The following AP2A1 variants were observed in gnomAD, a reference collection of about 807,000 sequenced individuals.
The protein encoded by AP2A1 is AP-2 complex subunit alpha-1.
Under a neutral mutation model 107.3 loss-of-function variants are expected in AP2A1, and 21 were observed. The ratio of observed to expected loss-of-function variants is 0.20; its 90% CI spans 0.14 to 0.28. The LOEUF (loss-of-function observed/expected upper bound fraction) is 0.28. AP2A1 is among the 10% of genes least tolerant of loss of function. The probability of loss-of-function intolerance (pLI) is 1.00; values close to 1 mark genes in which losing one functional copy is unlikely to be tolerated. For missense variants in AP2A1, 873 were observed against 1,307.7 expected, an observed-to-expected ratio of 0.67 and a Z score of 5.13; for synonymous variants, 602 against 564.8, an observed-to-expected ratio of 1.07 and a Z score of -0.93.
At chr19:49,790,605 G>T (rs1358785254) in intron 4 of AP2A1, among the ~76,000 whole-genome samples, 2 of 152,048 alleles carry the variant, frequency 1.3e-5, no homozygotes, top group African/African-American at 4.8e-5. Context: ...TCACCATGTT[G>T]CCCAGGCTGG....
intron 1 of AP2A1, among the ~76,000 whole-genome samples, chr19:49,769,543 A>G (rs1033359256): frequency 6.6e-6 from 1 of 151,710 alleles, no homozygotes; most frequent in Non-Finnish European, 1.5e-5. Context: ...CATGCTTGAC[A>G]TGTGTTCGAG....
Position 49,791,696 on chromosome 19 carries a change from C to T in AP2A1, c.474-239C>T, listed in dbSNP as rs1009317851. On this transcript the variant is annotated intron_variant, in intron 4 of 22. Transcript: ENST00000354293. ...TGGTGAATGAATGAAGGTGCAGAGC[C>T]AGGCTTGACATGTTCCTGAGCCCTG... Among the ~76,000 whole-genome samples, 4 of 152,150 alleles carry T rather than the reference C, an allele frequency of 2.6e-5. No individual in the cohort carries two copies. In the East Asian group the frequency reaches 7.7e-4, roughly 29 times the overall value.
intron 4 of AP2A1, 162 bp from the exon 5 acceptor site, chr19:49,791,773 G>A: frequency 1.3e-6 from 1 of 769,440 alleles, no homozygotes; most frequent in South Asian, 1.8e-5. Flanking sequence ...GAGTCCTGGT[G>A]GGCCGTGAGG....
intron 1 of AP2A1, among the ~76,000 whole-genome samples, chr19:49,768,227 T>A (rs1177497923): frequency 1.3e-5 from 2 of 152,042 alleles, no homozygotes. Flanking sequence ...GGAAGAGTTG[T>A]CGTGACGATG....
At position 49,803,276 on chromosome 19, in the gene AP2A1, A is replaced by G. The variant is rs2073315858; in HGVS notation, c.2255-11A>G. ...ACTCAGATGGAGCTCTGCCTCCCCC[A>G]CCTACTGCAGGCCGCATGTATCTCT... is the stretch of plus-strand genomic sequence containing the variant. On this transcript the variant is annotated splice_polypyrimidine_tract_variant and intron_variant, in intron 17 of 22. Transcript: ENST00000354293. 6.2e-7 allele frequency: 1 copy of G among 1,613,756 alleles called. No individual in the cohort carries two copies. The highest frequency in any genetic ancestry group is 1.7e-5 in the Admixed American group (1 of 60,018).
At chr19:49,786,237 AT>A (rs1458594166) in intron 4 of AP2A1, among the ~76,000 whole-genome samples, 3 of 152,210 alleles carry the variant, frequency 2.0e-5, no homozygotes, top group African/African-American at 7.2e-5. Flanking sequence ...TCTAAAAAAA[AT>A]ATAATGCAAG....
At chr19:49,776,809 G>C (rs112775499) in intron 1 of AP2A1, among the ~76,000 whole-genome samples, 2,151 of 152,196 alleles carry the variant, frequency 0.014, 50 homozygotes, top group African/African-American at 0.049. Context: ...CCTCCCTTTG[G>C]GGCCACAACT....
rs2073284190 is a variant in AP2A1 at position 49,801,830 on chromosome 19, C to T, written c.1894C>T (p.Arg632Trp). ...GGCCGGCAGCGCCCTGGACGATGGCCGGAGGGACCCCAGCAGCAACGACAT... is the reference window on the plus strand; with the variant it reads ...GGCCGGCAGCGCCCTGGACGATGGCTGGAGGGACCCCAGCAGCAACGACAT... ...PGAGSALDDG[R>W]RDPSSNDING... The change falls in exon 14 of 23, where the codon CGG becomes TGG. Residue 632 changes from arginine (R) to tryptophan (W), a missense_variant. Physicochemically the swap from Arg to Trp is moderately radical, Grantham distance 101. Coordinates refer to ENST00000354293, the MANE Select transcript of AP2A1 (RefSeq NM_130787.3). 8 of 1,522,562 alleles carry T rather than the reference C, an allele frequency of 5.3e-6. No homozygotes were observed. The highest frequency in any genetic ancestry group is 2.3e-5 in the East Asian group (1 of 43,028). The allele number at this position is 1,522,562 out of a possible 1,614,324, so 94.3% of individuals were successfully genotyped here.
At chr19:49,798,751 G>A in intron 7 of AP2A1, 51 bp from the exon 8 acceptor site, 4 of 1,574,668 alleles carry the variant, frequency 2.5e-6, no homozygotes, top group East Asian at 4.6e-5. Flanking sequence ...CCCAGCAGGT[G>A]TGCCAGGTGG....
intron 1 of AP2A1, among the ~76,000 whole-genome samples, chr19:49,769,386 G>T (rs1488989309): frequency 6.6e-6 from 1 of 152,180 alleles, no homozygotes; most frequent in African/African-American, 2.4e-5. Flanking sequence ...AAAATAAGGA[G>T]GAAATGGTCG....
At chr19:49,775,957 T>A (rs1376880541) in intron 1 of AP2A1, among the ~76,000 whole-genome samples, 1 of 152,078 alleles carries the variant, frequency 6.6e-6, no homozygotes, top group Admixed American at 6.6e-5. Flanking sequence ...GGGAAGGCGT[T>A]ATCTCCCCTA....
chr19:49,768,042 C>T (rs942399810), intron 1 of AP2A1, among the ~76,000 whole-genome samples: 1 of 151,836 alleles, frequency 6.6e-6, no homozygotes, highest in Non-Finnish European at 1.5e-5. Context: ...GAAGGAGCGC[C>T]CAGACCTCAA....
At position 49,806,235 on chromosome 19, in the gene AP2A1, G is replaced by A. The variant is rs1376466617; in HGVS notation, c.2772G>A (p.Glu924=). The change falls in exon 22 of 23, where the codon GAG becomes GAA. Residue 924 remains glutamate (E), a synonymous_variant. Coordinates refer to ENST00000354293, the MANE Select transcript of AP2A1 (RefSeq NM_130787.3). ...ALQVGCLLRL[E]PNAQAQMYRL... is the part of the protein sequence containing the mutation. ...AGGTGGGCTGTCTGCTTCGGCTGGAGCCCAATGCCCAGGCCCAGGTGAGTG... is the reference window on the plus strand; with the variant it reads ...AGGTGGGCTGTCTGCTTCGGCTGGAACCCAATGCCCAGGCCCAGGTGAGTG... 11 of 1,607,502 alleles carry A rather than the reference G, an allele frequency of 6.8e-6. No individual in the cohort carries two copies. The highest frequency in any genetic ancestry group is 9.3e-6 in the Non-Finnish European group (11 of 1,177,468).
At chr19:49,778,353 C>G (rs2084638065) in intron 1 of AP2A1, among the ~76,000 whole-genome samples, 1 of 152,172 alleles carries the variant, frequency 6.6e-6, no homozygotes, top group Non-Finnish European at 1.5e-5. Context: ...GAGGCTGAGG[C>G]AGGCAGATCA....
Position 49,798,225 on chromosome 19 carries a change from A to C in AP2A1, c.815-577A>C, listed in dbSNP as rs554241172. Among the ~76,000 whole-genome samples, 11 of 152,350 alleles carry C rather than the reference A, an allele frequency of 7.2e-5. No individual in the cohort carries two copies. In the South Asian group the frequency reaches 2.3e-3, roughly 32 times the overall value. ...GTGCTCCTGTGAGCTGCTGGCTGGC[A>C]TCTGTCAGTGGTGGAGAGCTCTGGG... On this transcript the variant is annotated intron_variant, in intron 7 of 22. Coordinates refer to ENST00000354293, the MANE Select transcript of AP2A1 (RefSeq NM_130787.3).
chr19:49,791,832 C>A (rs1479216589), intron 4 of AP2A1, 103 bp from the exon 5 acceptor site: 3 of 1,445,498 alleles, frequency 2.1e-6, no homozygotes, highest in East Asian at 5.0e-5. Flanking sequence ...GTCCCTCTCG[C>A]TGGCCTCGCA....
At chr19:49,791,086 A>G (rs908717511) in intron 4 of AP2A1, among the ~76,000 whole-genome samples, 7 of 152,234 alleles carry the variant, frequency 4.6e-5, no homozygotes, top group African/African-American at 1.4e-4. Context: ...CGCAGCCTGC[A>G]GGCCTCCTTG....
intron 1 of AP2A1, among the ~76,000 whole-genome samples, chr19:49,774,990 G>A (rs755337524): frequency 8.6e-5 from 13 of 151,686 alleles, no homozygotes; most frequent in African/African-American, 2.4e-4. Context: ...TTGTGGGGCC[G>A]AGGCGGGCAG....
intron 5 of AP2A1, 39 bp downstream of exon 5, chr19:49,792,103 T>A: frequency 6.4e-7 from 1 of 1,567,272 alleles, no homozygotes. Flanking sequence ...TACCCAGGGC[T>A]CCCACCTCAG....
Sources: allele counts gnomAD v4.1 joint callset (sites outside exome capture counted in the v4.1 genomes callset), GRCh38; gene constraint gnomAD v4.1.1; transcripts MANE v1.5; gene names NCBI Gene and HGNC (gene_info 2026-07-23, HGNC 2026-07-21).